RNF4: variants seen among roughly 807,000 people sequenced by gnomAD.
The protein encoded by RNF4 is ring finger protein 4, also known as E3 ubiquitin-protein ligase RNF4.
In RNF4, 7 loss-of-function variants were observed where a neutral mutation model predicts 24.3. That is an observed-to-expected ratio of 0.29 (90% CI 0.16 to 0.54). The LOEUF (loss-of-function observed/expected upper bound fraction) is 0.54, where lower values mean the gene tolerates loss of function less well. Among genes scored for constraint, RNF4 ranks in the 20% least tolerant of loss-of-function variants. RNF4 has a pLI of 0.95. For synonymous variants in RNF4, 83 were observed against 84.3 expected, an observed-to-expected ratio of 0.98 and a Z score of 0.09; for missense variants, 209 against 248.5, an observed-to-expected ratio of 0.84 and a Z score of 1.07.
intron 4 of RNF4, among the ~76,000 whole-genome samples, chr4:2,501,295 T>G (rs1291775508): frequency 2.6e-5 from 4 of 152,216 alleles, no homozygotes; most frequent in African/African-American, 9.7e-5. Flanking sequence ...AAAGGGAACG[T>G]TGGCTCAGCA....
At chr4:2,471,766 C>T (rs894138574) in intron 1 of RNF4, among the ~76,000 whole-genome samples, 3 of 152,140 alleles carry the variant, frequency 2.0e-5, no homozygotes, top group African/African-American at 4.8e-5. Context: ...TTCCCTTAAG[C>T]GAAAGCCTAA....
At chr4:2,492,750 G>T (rs1735618761) in intron 2 of RNF4, among the ~76,000 whole-genome samples, 1 of 152,050 alleles carries the variant, frequency 6.6e-6, no homozygotes, top group South Asian at 2.1e-4. Context: ...ACTTTTGATG[G>T]TGATACACAA....
chr4:2,502,476 G>A (rs1735939482), intron 4 of RNF4, among the ~76,000 whole-genome samples: 1 of 152,076 alleles, frequency 6.6e-6, no homozygotes, highest in African/African-American at 2.4e-5. Context: ...ACAAGGTCAG[G>A]AGTTTGACAT....
Position 2,512,650 on chromosome 4 carries a change from G to T in RNF4, c.374+53G>T. 1 of 1,593,148 alleles carries T rather than the reference G, an allele frequency of 6.3e-7. No individual in the cohort carries two copies. On this transcript the variant is annotated intron_variant, in intron 6 of 7. Coordinates refer to ENST00000314289, the MANE Select transcript of RNF4 (RefSeq NM_002938.5). This position sits in a 1 kb window ranked among gnomAD's most constrained non-coding sequence, Gnocchi z 4.1. ...CGCCATGCTAGGATGTGGGGCCAGGGCATGGGAATACTTTTCAGCAAATCT... is the reference window on the plus strand; with the variant it reads ...CGCCATGCTAGGATGTGGGGCCAGGTCATGGGAATACTTTTCAGCAAATCT...
At chr4:2,483,874 G>A (rs928444527) in intron 1 of RNF4, among the ~76,000 whole-genome samples, 1 of 151,500 alleles carries the variant, frequency 6.6e-6, no homozygotes, top group South Asian at 2.1e-4. Flanking sequence ...CACTTGTTGC[G>A]CAGGCTGGAG....
chr4:2,470,578 T>A (rs1320323659), intron 1 of RNF4, among the ~76,000 whole-genome samples: 1 of 152,266 alleles, frequency 6.6e-6, no homozygotes, highest in Non-Finnish European at 1.5e-5. Context: ...GTTTTTCTAA[T>A]CTTCATGAAA....
chr4:2,478,555 T>C (rs1321788273), intron 1 of RNF4, among the ~76,000 whole-genome samples: 1 of 152,230 alleles, frequency 6.6e-6, no homozygotes, highest in Admixed American at 6.5e-5. Context: ...GTCTCAGCTG[T>C]GGCCAAAAGG....
chr4:2,499,582 G>T (rs1434658012), intron 3 of RNF4, among the ~76,000 whole-genome samples: 1 of 138,750 alleles, frequency 7.2e-6, no homozygotes. Flanking sequence ...GGCCCATTCC[G>T]TGCTTTTTAA....
chr4:2,503,763 GAGAGTATA>G (rs1735985901), intron 4 of RNF4, among the ~76,000 whole-genome samples: 1 of 152,296 alleles, frequency 6.6e-6, no homozygotes, highest in East Asian at 1.9e-4. Context: ...GCACCTGCAG[GAGAGTATA>G]AAATGGATAA....
At chr4:2,493,907 A>T (rs534581029) in intron 2 of RNF4, among the ~76,000 whole-genome samples, 1 of 150,418 alleles carries the variant, frequency 6.6e-6, no homozygotes, top group African/African-American at 2.4e-5. Context: ...AGTGGATGCA[A>T]TATTGGCTCA....
At chr4:2,486,170 A>T (rs1735402464) in intron 1 of RNF4, among the ~76,000 whole-genome samples, 1 of 152,252 alleles carries the variant, frequency 6.6e-6, no homozygotes, top group Non-Finnish European at 1.5e-5. Flanking sequence ...TTATTTCCTT[A>T]CTGGGTGATG....
In RNF4 at chr4:2,514,014, C is replaced by A; in HGVS notation, c.*195C>A. The stretch of plus-strand genomic sequence containing the variant: ...GCTATGGCGCTGGACCCAGGGCCCT[C>A]CCAGGCCATCTCTGTTCCTCTGGGG... On this transcript the variant is annotated 3_prime_UTR_variant, in exon 8 of 8. Transcript: ENST00000314289. 3 of 674,412 alleles carry A rather than the reference C, an allele frequency of 4.4e-6. No homozygotes were observed. In the South Asian group the frequency reaches 5.9e-5, roughly 13 times the overall value. 41.8% of individuals were successfully genotyped at this position (674,412 alleles called of 1,614,324 possible). A position where few individuals can be genotyped will look rare whatever the true frequency, so the allele number is the denominator to read the frequency against.
intron 1 of RNF4, among the ~76,000 whole-genome samples, chr4:2,478,608 C>G (rs1001569790): frequency 3.9e-5 from 6 of 152,266 alleles, no homozygotes; most frequent in Non-Finnish European, 7.3e-5. Context: ...TCAGAAGGTG[C>G]AGGCCCCAAA....
chr4:2,511,294 G>A (rs1736266583), intron 4 of RNF4, among the ~76,000 whole-genome samples: 1 of 104,310 alleles, frequency 9.6e-6, no homozygotes, highest in Non-Finnish European at 2.0e-5. Context: ...CCCAGGTCTT[G>A]CAGTCAGCAC....
intron 3 of RNF4, among the ~76,000 whole-genome samples, chr4:2,498,320 A>G (rs1320865154): frequency 6.6e-6 from 1 of 151,938 alleles, no homozygotes; most frequent in Non-Finnish European, 1.5e-5. Flanking sequence ...AGTAGCTGGG[A>G]TCATAGGCGC....
intron 1 of RNF4, among the ~76,000 whole-genome samples, chr4:2,485,140 C>T (rs529101728): frequency 6.6e-6 from 1 of 152,152 alleles, no homozygotes; most frequent in African/African-American, 2.4e-5. Flanking sequence ...CTAGACAGCC[C>T]GGCTTGATCC....
rs1453855406 is a variant in RNF4, at chr4:2,511,865, TCA to T, written c.205-87_205-86del. The T allele has an allele frequency of 2.8e-5, 37 of 1,318,812 alleles. No individual in the cohort carries two copies. The African/African-American group carries it at 3.5e-4, about 12-fold the overall frequency. The allele number at this position is 1,318,812 out of a possible 1,614,324, so 81.7% of individuals were successfully genotyped here. A position where few individuals can be genotyped will look rare whatever the true frequency, so the allele number is the denominator to read the frequency against. On this transcript the variant is annotated intron_variant, in intron 4 of 7. Transcript: ENST00000314289. The stretch of plus-strand genomic sequence containing the variant: ...TCACCAGAGGGTTCCACAGAGGGTG[TCA>T]CACGTCAGAAAAAAGAAATGGCTTC...
intron 4 of RNF4, among the ~76,000 whole-genome samples, chr4:2,510,045 G>A (rs1219365511): frequency 6.6e-6 from 1 of 152,166 alleles, no homozygotes; most frequent in East Asian, 1.9e-4. Context: ...TTGACTGATT[G>A]TCCCCAGATT....
At position 2,470,326 on chromosome 4, in the gene RNF4, A is replaced by G. The variant is rs529288363; in HGVS notation, c.-158+1068A>G. On this transcript the variant is annotated intron_variant, in intron 1 of 7. Coordinates refer to ENST00000314289, the MANE Select transcript of RNF4 (RefSeq NM_002938.5). ...ACCAGGAGTTTTGGGACCACTGTCAATAAAAGAGACATTGAAGGGAATCTT... is the reference window on the plus strand; with the variant it reads ...ACCAGGAGTTTTGGGACCACTGTCAGTAAAAGAGACATTGAAGGGAATCTT... Among the ~76,000 whole-genome samples the G allele has an allele frequency of 7.9e-5, 12 of 152,352 alleles. 1 individual carries two copies. In the South Asian group the frequency reaches 2.5e-3, roughly 32 times the overall value.
Sources: allele counts gnomAD v4.1 joint callset (sites outside exome capture counted in the v4.1 genomes callset), GRCh38; gene constraint gnomAD v4.1.1; non-coding constraint Gnocchi (gnomAD v3.1); transcripts MANE v1.5; gene names NCBI Gene and HGNC (gene_info 2026-07-23, HGNC 2026-07-21).